Variants in ZMYND8 observed in about 807,000 individuals in gnomAD.
ZMYND8 encodes zinc finger MYND-type containing 8, also known as MYND-type zinc finger-containing chromatin reader ZMYND8.
In ZMYND8, 37 loss-of-function variants were observed where a neutral mutation model predicts 140.8. The observed-to-expected ratio is 0.26, with a 90% CI of 0.20 to 0.35. The LOEUF (loss-of-function observed/expected upper bound fraction) is 0.35, where lower values mean the gene tolerates loss of function less well. ZMYND8 is among the 10% of genes least tolerant of loss of function. The probability of loss-of-function intolerance (pLI) is 1.00; values close to 1 mark genes in which losing one functional copy is unlikely to be tolerated. For missense variants in ZMYND8, 1,068 were observed against 1,570.0 expected (o/e 0.68, Z 5.40); for synonymous variants, 592 against 597.1 (o/e 0.99, Z 0.12).
chr20:47,217,926 C>T (rs1248651962), intron 21 of ZMYND8, among the ~76,000 whole-genome samples: 2 of 152,014 alleles, frequency 1.3e-5, no homozygotes, highest in East Asian at 3.9e-4. Flanking sequence ...CTCCCTTCCA[C>T]TCCCTGGGCC....
At chr20:47,260,868 C>T (rs1601383469) in intron 12 of ZMYND8, among the ~76,000 whole-genome samples, 1 of 152,330 alleles carries the variant, frequency 6.6e-6, no homozygotes, top group African/African-American at 2.4e-5. Flanking sequence ...GAATAGTGCA[C>T]AGCACATAAT....
At chr20:47,322,033 G>A (rs943962972) in intron 2 of ZMYND8, among the ~76,000 whole-genome samples, 2 of 151,762 alleles carry the variant, frequency 1.3e-5, no homozygotes, top group Admixed American at 6.6e-5. Flanking sequence ...GCTAATTTTT[G>A]TATTTTTTGT....
At chr20:47,266,077 A>C (rs1295346135) in intron 11 of ZMYND8, among the ~76,000 whole-genome samples, 1 of 152,070 alleles carries the variant, frequency 6.6e-6, no homozygotes, top group Admixed American at 6.6e-5. Flanking sequence ...AGCAACCCAC[A>C]AGCCTCACGC....
At chr20:47,239,189 T>G in intron 14 of ZMYND8, 51 bp from the exon 15 acceptor site, 1 of 1,482,390 alleles carries the variant, frequency 6.7e-7, no homozygotes, top group Non-Finnish European at 8.9e-7. Context: ...TCACTCAGGT[T>G]CACCTGCACG....
At chr20:47,303,977 A>G (rs2078283434) in intron 3 of ZMYND8, among the ~76,000 whole-genome samples, 1 of 151,772 alleles carries the variant, frequency 6.6e-6, no homozygotes, top group African/African-American at 2.4e-5. Flanking sequence ...CTCCTTATCA[A>G]TCAGATATTT....
intron 2 of ZMYND8, among the ~76,000 whole-genome samples, chr20:47,331,885 A>G (rs1193667453): frequency 6.6e-6 from 1 of 152,164 alleles, no homozygotes; most frequent in Admixed American, 6.5e-5. Context: ...CTTGCAGGAC[A>G]AAGACAGGAA....
chr20:47,288,582 C>T (rs2077065000), intron 7 of ZMYND8, among the ~76,000 whole-genome samples: 1 of 151,740 alleles, frequency 6.6e-6, no homozygotes, highest in African/African-American at 2.4e-5. Flanking sequence ...TTAGTAGAGA[C>T]AGGGTTTCAC....
chr20:47,233,201 C>T lies in ZMYND8; in HGVS notation c.2856+3125G>A, dbSNP rs187604769. ...GGATTCCAGGTGTGAGACACCGCAC[C>T]AGGCTTTTTTTTTTTTTTTTTTTTT... On this transcript the variant is annotated intron_variant, in intron 16 of 22. Coordinates refer to ENST00000471951, the MANE Select transcript of ZMYND8 (RefSeq NM_001281775.3). Among the ~76,000 whole-genome samples the T allele has an allele frequency of 2.1e-5, 3 of 140,888 alleles. No homozygotes were observed. In the East Asian group the frequency reaches 6.1e-4, roughly 28 times the overall value. 92.4% of individuals were successfully genotyped at this position (140,888 alleles called of 152,430 possible).
chr20:47,318,281 C>T (rs1001430744), intron 2 of ZMYND8, among the ~76,000 whole-genome samples: 4 of 152,162 alleles, frequency 2.6e-5, no homozygotes, highest in African/African-American at 9.7e-5. Context: ...CAGCCCTTTT[C>T]GTAATCACCA....
intron 3 of ZMYND8, among the ~76,000 whole-genome samples, chr20:47,303,508 A>G (rs1317022017): frequency 6.6e-6 from 1 of 152,182 alleles, no homozygotes; most frequent in East Asian, 1.9e-4. Context: ...ACCTCAGGTC[A>G]GGAGTTCAAG....
At chr20:47,220,517 A>C (rs1359611811) in intron 20 of ZMYND8, among the ~76,000 whole-genome samples, 193 bp from the exon 21 acceptor site, 2 of 152,208 alleles carry the variant, frequency 1.3e-5, no homozygotes, top group African/African-American at 2.4e-5. Flanking sequence ...CATCTCCCAC[A>C]CTGAACAGAC....
chr20:47,230,296 GT>G (rs532411881), intron 16 of ZMYND8, among the ~76,000 whole-genome samples: 109 of 142,600 alleles, frequency 7.6e-4, no homozygotes, highest in Middle Eastern at 3.7e-3. Flanking sequence ...TTTTTTTGTT[GT>G]TTTTTTTTTT....
intron 11 of ZMYND8, among the ~76,000 whole-genome samples, chr20:47,273,581 C>T (rs1426349629): frequency 1.3e-5 from 2 of 152,178 alleles, no homozygotes; most frequent in Admixed American, 6.5e-5. Flanking sequence ...AAATAAATTC[C>T]GGTGTCCATT....
chr20:47,279,571 C>CG (rs11483956), intron 10 of ZMYND8, among the ~76,000 whole-genome samples: 26,580 of 151,984 alleles, frequency 0.17, 2,392 homozygotes, highest in African/African-American at 0.21. Context: ...AGAGTCTCTG[C>CG]GGGGGACAAT....
intron 2 of ZMYND8, among the ~76,000 whole-genome samples, chr20:47,338,907 T>A (rs1044787786): frequency 6.6e-6 from 1 of 151,482 alleles, no homozygotes; most frequent in East Asian, 1.9e-4. Flanking sequence ...GACTCCTAGA[T>A]GGAGAGAAGC....
At chr20:47,253,453 C>G (rs2074345165) in intron 12 of ZMYND8, among the ~76,000 whole-genome samples, 1 of 150,376 alleles carries the variant, frequency 6.6e-6, no homozygotes, top group Non-Finnish European at 1.5e-5. Context: ...AAGAGAATCA[C>G]TTGAACCCAG....
chr20:47,287,287 A>G lies in ZMYND8; in HGVS notation c.749-3T>C, dbSNP rs373335647. On this transcript the variant is annotated splice_region_variant and splice_polypyrimidine_tract_variant and intron_variant, in intron 7 of 22. Transcript: ENST00000471951. ...TATTTGCGTCAATTTGTGATTTCCTAAGGGAATAAGAAAACAGGATTAATT... is the reference window on the plus strand; with the variant it reads ...TATTTGCGTCAATTTGTGATTTCCTGAGGGAATAAGAAAACAGGATTAATT... 9.3e-6 allele frequency: 15 copies of G among 1,612,256 alleles called. No individual in the cohort carries two copies. The African/African-American group carries it at 1.6e-4, about 17-fold the overall frequency.
chr20:47,278,650 A>T (rs1356258762), intron 10 of ZMYND8, among the ~76,000 whole-genome samples: 38 of 152,256 alleles, frequency 2.5e-4, no homozygotes, highest in East Asian at 5.8e-4. Flanking sequence ...AACTAAAACT[A>T]AACACCCCAA....
At chr20:47,297,572 C>T (rs2077722550) in intron 4 of ZMYND8, among the ~76,000 whole-genome samples, 2 of 152,126 alleles carry the variant, frequency 1.3e-5, no homozygotes, top group Non-Finnish European at 2.9e-5. Flanking sequence ...CAGGCACATA[C>T]CACCATGCCC....
Sources: gnomAD v4.1 joint callset for allele counts (sites outside exome capture counted in the v4.1 genomes callset) on GRCh38, gnomAD v4.1.1 for gene constraint, MANE v1.5 for transcripts, NCBI Gene and HGNC (gene_info 2026-07-23, HGNC 2026-07-21) for gene names.